NAALADL2: variants seen among roughly 807,000 people sequenced by gnomAD.
NAALADL2 encodes the protein N-acetylated alpha-linked acidic dipeptidase like 2.
A neutral mutation model predicts 87.2 loss-of-function variants in NAALADL2; 76 were observed. The ratio of observed to expected loss-of-function variants is 0.87; its 90% confidence interval spans 0.72 to 1.05. The LOEUF (loss-of-function observed/expected upper bound fraction) is 1.05. Among genes scored for constraint, NAALADL2 ranks in the 50% least tolerant of loss-of-function variants. The pLI is 0.00. For synonymous variants in NAALADL2, 354 were observed against 331.0 expected, an observed-to-expected ratio of 1.07 and a Z score of -0.75; for missense variants, 1,089 against 945.8, an observed-to-expected ratio of 1.15 and a Z score of -1.99.
chr3:175,518,388 T>C (rs1732174979), intron 9 of NAALADL2, among the ~76,000 whole-genome samples: 1 of 152,244 alleles, frequency 6.6e-6, no homozygotes, highest in Admixed American at 6.5e-5. Flanking sequence ...AGAGCACCTA[T>C]AATTCTTTAC....
chr3:174,840,614 G>T (rs1484283115), intron 3 of NAALADL2, among the ~76,000 whole-genome samples: 1 of 152,046 alleles, frequency 6.6e-6, no homozygotes, highest in Non-Finnish European at 1.5e-5. Flanking sequence ...TTGCCCAAGG[G>T]AGTCAGACAC....
intron 5 of NAALADL2, among the ~76,000 whole-genome samples, chr3:175,372,525 G>A (rs1766638882): frequency 6.6e-6 from 1 of 152,162 alleles, no homozygotes; most frequent in Admixed American, 6.5e-5. Flanking sequence ...TGCTGATAAA[G>A]GCTGAAGCTA....
chr3:174,829,019 T>C (rs1051864243), intron 3 of NAALADL2, among the ~76,000 whole-genome samples: 1 of 152,212 alleles, frequency 6.6e-6, no homozygotes, highest in Non-Finnish European at 1.5e-5. Flanking sequence ...TGAGAGCCTA[T>C]TATGATCAGG....
chr3:175,230,552 A>G (rs896935466), intron 2 of NAALADL2, among the ~76,000 whole-genome samples: 1 of 152,020 alleles, frequency 6.6e-6, no homozygotes, highest in African/African-American at 2.4e-5. Flanking sequence ...TGCAAATTAA[A>G]ACCACAATGG....
At chr3:174,707,006 AAAG>A (rs1219626376) in intron 2 of NAALADL2, among the ~76,000 whole-genome samples, 1 of 152,218 alleles carries the variant, frequency 6.6e-6, no homozygotes, top group Non-Finnish European at 1.5e-5. Context: ...ACACTTCTCA[AAAG>A]AAGACATTTA....
At chr3:175,792,835 T>TAAGCTCATCTTAAGACTGATTTCC (rs1276910128) in intron 13 of NAALADL2, among the ~76,000 whole-genome samples, 72 of 152,348 alleles carry the variant, frequency 4.7e-4, no homozygotes, top group South Asian at 6.2e-4. Context: ...TTCCGTAGTA[T>TAAGCTCATCTTAAGACTGATTTCC]AAGCTCATCT....
chr3:175,600,525 C>CTTTTTATTTTTTTTTTTT (rs1722814987), intron 10 of NAALADL2, among the ~76,000 whole-genome samples: 1 of 61,040 alleles, frequency 1.6e-5, no homozygotes, highest in African/African-American at 6.2e-5. Flanking sequence ...GTGTCTTAGT[C>CTTTTTATTTTTTTTTTTT]TTTTTTTTTT....
intron 1 of NAALADL2, among the ~76,000 whole-genome samples, chr3:174,467,596 T>TAAAAAA (rs58227642): frequency 5.0e-5 from 3 of 59,590 alleles, no homozygotes; most frequent in Non-Finnish European, 8.6e-5. Flanking sequence ...CCATCTCAGT[T>TAAAAAA]AAAAAAAAAA....
chr3:175,790,084 T>G (rs1378256436), intron 13 of NAALADL2, among the ~76,000 whole-genome samples: 1 of 152,132 alleles, frequency 6.6e-6, no homozygotes, highest in Non-Finnish European at 1.5e-5. Context: ...TTACTAGGAT[T>G]GGCTAACTTA....
intron 13 of NAALADL2, among the ~76,000 whole-genome samples, chr3:175,768,851 C>CAAA (rs35173343): frequency 0.011 from 1,130 of 100,728 alleles, 12 homozygotes; most frequent in African/African-American, 0.029. Flanking sequence ...GACTTTGTCT[C>CAAA]AAAAAAAAAA....
intron 11 of NAALADL2, among the ~76,000 whole-genome samples, chr3:175,734,906 T>C (rs1744299164): frequency 6.6e-6 from 1 of 152,226 alleles, no homozygotes; most frequent in Non-Finnish European, 1.5e-5. Flanking sequence ...ATTTGGCTCC[T>C]TTTTTACTTA....
At chr3:175,247,964 G>A (rs1015067174) in intron 3 of NAALADL2, among the ~76,000 whole-genome samples, 12 of 152,178 alleles carry the variant, frequency 7.9e-5, no homozygotes, top group Admixed American at 3.9e-4. Context: ...ATCCAGAAAA[G>A]TTCATTTACT....
At chr3:175,554,344 A>T (rs1414656920) in intron 9 of NAALADL2, among the ~76,000 whole-genome samples, 2 of 152,170 alleles carry the variant, frequency 1.3e-5, no homozygotes, top group African/African-American at 4.8e-5. Flanking sequence ...TCACATTTTT[A>T]AAAATAAGCA....
chr3:174,953,842 G>T (rs928024074), intron 1 of NAALADL2, among the ~76,000 whole-genome samples: 10 of 150,672 alleles, frequency 6.6e-5, no homozygotes, highest in African/African-American at 9.7e-5. Flanking sequence ...CTTTTTAATT[G>T]TTTTTTTTTC....
At chr3:175,697,972 T>C (rs1443976537) in intron 11 of NAALADL2, among the ~76,000 whole-genome samples, 5 of 10 alleles carry the variant, frequency 0.5, no homozygotes, top group African/African-American at 0.5. Flanking sequence ...TATATGTGTA[T>C]ATATGTATGT....
intron 2 of NAALADL2, among the ~76,000 whole-genome samples, chr3:175,147,037 A>G (rs940414070): frequency 3.3e-5 from 5 of 152,192 alleles, no homozygotes; most frequent in African/African-American, 7.2e-5. Context: ...GGAAAACTCA[A>G]CTAAGATCTT....
At chr3:175,344,788 A>G (rs1193231384) in intron 5 of NAALADL2, among the ~76,000 whole-genome samples, 1 of 152,126 alleles carries the variant, frequency 6.6e-6, no homozygotes, top group Non-Finnish European at 1.5e-5. Context: ...TTATCATTTG[A>G]TGTCAATTCT....
At chr3:174,874,454 T>C (rs978617645) in intron 1 of NAALADL2, among the ~76,000 whole-genome samples, 1 of 152,132 alleles carries the variant, frequency 6.6e-6, no homozygotes, top group Non-Finnish European at 1.5e-5. Flanking sequence ...TTGCAGCAGG[T>C]GCACCTCAAA....
intron 5 of NAALADL2, among the ~76,000 whole-genome samples, chr3:175,406,509 A>G (rs973606124): frequency 6.6e-6 from 1 of 152,216 alleles, no homozygotes; most frequent in Non-Finnish European, 1.5e-5. Flanking sequence ...GTAGGTTTGA[A>G]TAAGGTAAAA....
Sources: gnomAD v4.1 joint callset for allele counts (sites outside exome capture counted in the v4.1 genomes callset) on GRCh38, gnomAD v4.1.1 for gene constraint, MANE v1.5 for transcripts, NCBI Gene and HGNC (gene_info 2026-07-23, HGNC 2026-07-21) for gene names.